The following GPR25 variants were observed in gnomAD, a reference collection of about 807,000 sequenced individuals.
The protein encoded by GPR25 is C-X-C chemokine receptor GPR25.
For synonymous variants in GPR25, 280 were observed against 264.9 expected, an observed-to-expected ratio of 1.06 and a Z score of -0.55; for missense variants, 501 against 503.0, an observed-to-expected ratio of 1.00 and a Z score of 0.04.
Position 200,873,194 on chromosome 1 carries a change from G to A in GPR25, c.157G>A (p.Gly53Ser). 6.2e-7 allele frequency: 1 copy of A among 1,606,134 alleles called. No individual in the cohort carries two copies. Among genetic ancestry groups the A allele is most frequent in the Non-Finnish European group, 8.5e-7 (1 of 1,178,942 alleles). The change falls in exon 1 of 1, where the codon GGC (glycine) becomes AGC (serine). Residue 53 changes from glycine to serine, a missense_variant. Gly to Ser is a moderately conservative substitution (Grantham distance 56, BLOSUM62 0). Transcript: ENST00000304244. ...GCTCTACCTGGCGGCCTTCGCCGTG[G>A]GCCTGCTGGGCAACGCCTTTGTGGT... is the stretch of plus-strand genomic sequence containing the variant. ...PALYLAAFAV[G>S]LLGNAFVVWL...
Position 200,873,413 on chromosome 1 carries a change from G to T in GPR25, c.376G>T (p.Gly126Cys). Residue 126 changes from glycine to cysteine, a missense_variant, in exon 1 of 1, where the codon GGC becomes TGC. Gly to Cys is a radical substitution (Grantham distance 159). Coordinates refer to ENST00000304244, the MANE Select transcript of GPR25 (RefSeq NM_005298.4). ...SFALAGTRCA[G>C]ALLLAGMSVD... Reference sequence around the variant, plus strand: ...CGCGCTGGCGGGCACGCGCTGCGCGGGCGCGCTGCTGCTGGCGGGCATGAG... The same window carrying T: ...CGCGCTGGCGGGCACGCGCTGCGCGTGCGCGCTGCTGCTGGCGGGCATGAG... 3 of 1,504,014 alleles carry T rather than the reference G, an allele frequency of 2.0e-6. No individual in the cohort carries two copies. The highest frequency in any genetic ancestry group is 2.7e-5 in the East Asian group (1 of 36,728). The allele number at this position is 1,504,014 out of a possible 1,614,324, so 93.2% of individuals were successfully genotyped here. A position where few individuals can be genotyped will look rare whatever the true frequency, so the allele number is the denominator to read the frequency against.
Position 200,873,375 on chromosome 1 carries a change from A to G in GPR25, c.338A>G (p.Lys113Arg). The G allele has an allele frequency of 6.7e-7, 1 of 1,491,426 alleles. No individual in the cohort carries two copies. The highest frequency in any genetic ancestry group is 8.8e-7 in the Non-Finnish European group (1 of 1,130,680). The allele number at this position is 1,491,426 out of a possible 1,614,324, so 92.4% of individuals were successfully genotyped here. ...TGGCCGTTCGGCGATGGCCTCTGCA[A>G]GCTCAGCAGCTTCGCGCTGGCGGGC... ...GRWPFGDGLC[K>R]LSSFALAGTR... The change falls in exon 1 of 1, where the codon AAG becomes AGG. Residue 113 changes from lysine to arginine, a missense_variant. Physicochemically the swap from Lys to Arg is conservative, Grantham distance 26. Coordinates refer to ENST00000304244, the MANE Select transcript of GPR25 (RefSeq NM_005298.4).
In GPR25 at chr1:200,873,792, C is replaced by T. The variant is rs747890063; in HGVS notation, c.755C>T (p.Thr252Met). Residue 252 changes from threonine (T) to methionine (M), a missense_variant, in exon 1 of 1, where the codon ACG becomes ATG. Physicochemically the swap from Thr to Met is moderately conservative, Grantham distance 81 (BLOSUM62 -1). Transcript: ENST00000304244. ...CGCATCATCTTCGCCATCGAGAGCA[C>T]GTTTGTGGGCTCCTGGCTGCCCTTC... ...SLRIIFAIESTFVGSWLPFSA... is the reference protein window; with the variant it reads ...SLRIIFAIESMFVGSWLPFSA... 3 of 1,599,748 alleles carry T rather than the reference C, an allele frequency of 1.9e-6. No homozygotes were observed. Among genetic ancestry groups the T allele is most frequent in the African/African-American group, 2.7e-5 (2 of 74,910 alleles).
In GPR25 at chr1:200,874,051, G is replaced by T. The variant is rs753350998; in HGVS notation, c.1014G>T (p.Ser338=). The change falls in exon 1 of 1, where the codon TCG becomes TCT. Residue 338 remains serine (S), a synonymous_variant. Transcript: ENST00000304244. ...CGCGAAGGATCAGCTCAGCCTCCTC[G>T]CTCTCCAGGGACGACAGTTCCGTGT... ...RLARRISSAS[S]LSRDDSSVFR... 6 of 1,609,626 alleles carry T rather than the reference G, an allele frequency of 3.7e-6. No individual in the cohort carries two copies. In the South Asian group the frequency reaches 4.4e-5, roughly 12 times the overall value.
rs370512634 is a variant in GPR25 at position 200,874,063 on chromosome 1, C to T, written c.1026C>T (p.Asp342=). ...RISSASSLSR[D]DSSVFRCRAQ... ...GCTCAGCCTCCTCGCTCTCCAGGGA[C>T]GACAGTTCCGTGTTCCGTTGCCGGG... The change falls in exon 1 of 1, where the codon GAC becomes GAT. Residue 342 remains aspartate, a synonymous_variant. Transcript: ENST00000304244. 1.9e-6 allele frequency: 3 copies of T among 1,605,016 alleles called. No individual in the cohort carries two copies. Among genetic ancestry groups the T allele is most frequent in the African/African-American group, 1.3e-5 (1 of 74,818 alleles).
Position 200,874,140 on chromosome 1 carries a change from G to T in GPR25, c.*17G>T. On this transcript the variant is annotated 3_prime_UTR_variant, in exon 1 of 1. Transcript: ENST00000304244. ...TCCTGGTAGCTGCCCCGGGCCGCTG[G>T]AGGTGGGCGGCAGCGGAGCATCGAG... The T allele has an allele frequency of 6.6e-7, 1 of 1,506,582 alleles. No individual in the cohort carries two copies. Among genetic ancestry groups the T allele is most frequent in the Non-Finnish European group, 8.9e-7 (1 of 1,121,828 alleles). 93.3% of individuals were successfully genotyped at this position (1,506,582 alleles called of 1,614,324 possible).
In GPR25 at chr1:200,873,719, C is replaced by G; in HGVS notation, c.682C>G (p.Arg228Gly). The G allele has an allele frequency of 6.3e-7, 1 of 1,597,814 alleles. No homozygotes were observed. The highest frequency in any genetic ancestry group is 8.5e-7 in the Non-Finnish European group (1 of 1,178,764). ...CTTCTGCTACTGCCGCATCTCGCGCCGCCTGCGACGGCCGCCGCACGTGGG... is the reference window on the plus strand; with the variant it reads ...CTTCTGCTACTGCCGCATCTCGCGCGGCCTGCGACGGCCGCCGCACGTGGG... ...TLFCYCRISR[R>G]LRRPPHVGRA... Residue 228 changes from arginine to glycine, a missense_variant, in exon 1 of 1, where the codon CGC (arginine) becomes GGC (glycine). Physicochemically the swap from Arg to Gly is moderately radical, Grantham distance 125. Transcript: ENST00000304244.
Position 200,873,031 on chromosome 1 carries a change from C to T in GPR25, c.-7C>T. The T allele has an allele frequency of 6.5e-7, 1 of 1,528,838 alleles. No individual in the cohort carries two copies. 94.7% of individuals were successfully genotyped at this position (1,528,838 alleles called of 1,614,324 possible). A position where few individuals can be genotyped will look rare whatever the true frequency, so the allele number is the denominator to read the frequency against. On this transcript the variant is annotated 5_prime_UTR_variant, in exon 1 of 1. Transcript: ENST00000304244. ...GCTGCACTCCGCGCAGGCCTCATAG[C>T]CAGGCCATGGCCCCCACAGAGCCCT...
chr1:200,873,399 G>A lies in GPR25; in HGVS notation c.362G>A (p.Gly121Asp). 1 of 1,494,052 alleles carries A rather than the reference G, an allele frequency of 6.7e-7. No homozygotes were observed. 92.5% of individuals were successfully genotyped at this position (1,494,052 alleles called of 1,614,324 possible). A position where few individuals can be genotyped will look rare whatever the true frequency, so the allele number is the denominator to read the frequency against. Residue 121 changes from glycine (G) to aspartate (D), a missense_variant, in exon 1 of 1, where the codon GGC (glycine) becomes GAC (aspartate). Physicochemically the swap from Gly to Asp is moderately conservative, Grantham distance 94. Coordinates refer to ENST00000304244, the MANE Select transcript of GPR25 (RefSeq NM_005298.4). ...LCKLSSFALA[G>D]TRCAGALLLA... ...AAGCTCAGCAGCTTCGCGCTGGCGG[G>A]CACGCGCTGCGCGGGCGCGCTGCTG...
Position 200,874,177 on chromosome 1 carries a change from G to A in GPR25, c.*54G>A. ...AGCGGAGCATCGAGAGGAGGCCAGA[G>A]GTCCCGGAGGGGACTGAGCTCCCCA... On this transcript the variant is annotated 3_prime_UTR_variant, in exon 1 of 1. Transcript: ENST00000304244. The A allele has an allele frequency of 2.1e-6, 3 of 1,454,264 alleles. No homozygotes were observed. Among genetic ancestry groups the A allele is most frequent in the Middle Eastern group, 2.1e-4 (1 of 4,698 alleles). 90.1% of individuals were successfully genotyped at this position (1,454,264 alleles called of 1,614,324 possible).
rs1162768089 is a variant in GPR25, at chr1:200,873,363, A to G, written c.326A>G (p.Asp109Gly). 1 of 1,491,308 alleles carries G rather than the reference A, an allele frequency of 6.7e-7. No homozygotes were observed. The highest frequency in any genetic ancestry group is 1.5e-5 in the African/African-American group (1 of 68,152). The allele number at this position is 1,491,308 out of a possible 1,614,324, so 92.4% of individuals were successfully genotyped here. A position where few individuals can be genotyped will look rare whatever the true frequency, so the allele number is the denominator to read the frequency against. ...CTAGGCGGCCGCTGGCCGTTCGGCG[A>G]TGGCCTCTGCAAGCTCAGCAGCTTC... ...AALGGRWPFG[D>G]GLCKLSSFAL... The change falls in exon 1 of 1, where the codon GAT (aspartate) becomes GGT (glycine). Residue 109 changes from aspartate (D) to glycine (G), a missense_variant. By Grantham distance (94) the Asp-to-Gly change is moderately conservative (BLOSUM62 -1). Transcript: ENST00000304244.
In GPR25 at chr1:200,873,490, C is replaced by T; in HGVS notation, c.453C>T (p.Arg151=). 1 of 1,563,448 alleles carries T rather than the reference C, an allele frequency of 6.4e-7. No homozygotes were observed. Among genetic ancestry groups the T allele is most frequent in the South Asian group, 1.2e-5 (1 of 86,804 alleles). The change falls in exon 1 of 1, where the codon CGC becomes CGT. Residue 151 remains arginine (R), a synonymous_variant. Coordinates refer to ENST00000304244, the MANE Select transcript of GPR25 (RefSeq NM_005298.4). ...AGCTGCTCGAGGCGAGGCCACTGCG[C>T]ACCCCGCGCTGCGCGCTGGCCTCGT... ...VVKLLEARPL[R]TPRCALASCC...
chr1:200,874,084 C>A lies in GPR25; in HGVS notation c.1047C>A (p.Cys349Ter), dbSNP rs199987519. 114 of 1,587,878 alleles carry A rather than the reference C, an allele frequency of 7.2e-5. 1 individual carries two copies. In the African/African-American group the frequency reaches 1.3e-3, roughly 18 times the overall value. The part of the protein sequence containing the change: ...LSRDDSSVFR[C>*]RAQAANTASA... ...GGGACGACAGTTCCGTGTTCCGTTGCCGGGCCCAGGCCGCGAACACTGCCT... is the reference window on the plus strand; with the variant it reads ...GGGACGACAGTTCCGTGTTCCGTTGACGGGCCCAGGCCGCGAACACTGCCT... The change falls in exon 1 of 1, where the codon TGC (cysteine) becomes TGA (stop). Residue 349 changes from cysteine to a stop codon, truncating the protein, a stop_gained. Transcript: ENST00000304244. LOFTEE classifies it low-confidence loss of function (END_TRUNC).
Position 200,873,144 on chromosome 1 carries a change from C to T in GPR25, c.107C>T (p.Pro36Leu). The change falls in exon 1 of 1, where the codon CCC becomes CTC. Residue 36 changes from proline to leucine, a missense_variant. Pro to Leu is a moderately conservative substitution (Grantham distance 98). Coordinates refer to ENST00000304244, the MANE Select transcript of GPR25 (RefSeq NM_005298.4). ...GAGCTGTGTCCGGCCGGGGACCTGCCCTACGGCTACGTCTACATCCCCGCG... is the reference window on the plus strand; with the variant it reads ...GAGCTGTGTCCGGCCGGGGACCTGCTCTACGGCTACGTCTACATCCCCGCG... Reference protein sequence around the residue: ...ELELCPAGDLPYGYVYIPALY... With the variant: ...ELELCPAGDLLYGYVYIPALY... 2.5e-6 allele frequency: 4 copies of T among 1,605,020 alleles called. No homozygotes were observed. The highest frequency in any genetic ancestry group is 1.1e-5 in the South Asian group (1 of 90,160).
In GPR25 at chr1:200,873,532, C is replaced by G; in HGVS notation, c.495C>G (p.Ala165=). ...CALASCCGVW[A]VALLAGLPSL... is the part of the protein sequence containing the mutation. Reference sequence around the variant, plus strand: ...TGGCCTCGTGCTGCGGCGTCTGGGCCGTGGCGCTGCTGGCCGGCCTGCCCT... The same window carrying G: ...TGGCCTCGTGCTGCGGCGTCTGGGCGGTGGCGCTGCTGGCCGGCCTGCCCT... The change falls in exon 1 of 1, where the codon GCC becomes GCG. Residue 165 remains alanine, a synonymous_variant. Coordinates refer to ENST00000304244, the MANE Select transcript of GPR25 (RefSeq NM_005298.4). 6.4e-7 allele frequency: 1 copy of G among 1,561,050 alleles called. No homozygotes were observed. Among genetic ancestry groups the G allele is most frequent in the Non-Finnish European group, 8.6e-7 (1 of 1,161,692 alleles).
Position 200,874,038 on chromosome 1 carries a change from G to C in GPR25, c.1001G>C (p.Ser334Thr), listed in dbSNP as rs755873380. The change falls in exon 1 of 1, where the codon AGC becomes ACC. Residue 334 changes from serine (S) to threonine (T), a missense_variant. Physicochemically the swap from Ser to Thr is moderately conservative, Grantham distance 58 (BLOSUM62 1). Transcript: ENST00000304244. ...ACCGGCCGCCTGGCGCGAAGGATCA[G>C]CTCAGCCTCCTCGCTCTCCAGGGAC... The part of the protein sequence containing the change: ...GRTGRLARRI[S>T]SASSLSRDDS... 6.2e-7 allele frequency: 1 copy of C among 1,610,980 alleles called. No individual in the cohort carries two copies.
Position 200,873,596 on chromosome 1 carries a change from C to G in GPR25, c.559C>G (p.Gln187Glu). 1 of 1,591,602 alleles carries G rather than the reference C, an allele frequency of 6.3e-7. No individual in the cohort carries two copies. Among genetic ancestry groups the G allele is most frequent in the East Asian group, 2.2e-5 (1 of 44,534 alleles). The change falls in exon 1 of 1, where the codon CAG (glutamine) becomes GAG (glutamate). Residue 187 changes from glutamine (Q) to glutamate (E), a missense_variant. Coordinates refer to ENST00000304244, the MANE Select transcript of GPR25 (RefSeq NM_005298.4). Reference sequence around the variant, plus strand: ...GGGGTTGCAGCCCCTGCCTGGGGGCCAGGACAGCCAGTGCGGCGAGGAGCC... The same window carrying G: ...GGGGTTGCAGCCCCTGCCTGGGGGCGAGGACAGCCAGTGCGGCGAGGAGCC... ...YRGLQPLPGG[Q>E]DSQCGEEPSH... is the part of the protein sequence containing the mutation.
chr1:200,873,094 G>A lies in GPR25; in HGVS notation c.57G>A (p.Ser19=), dbSNP rs1360445820. The part of the protein sequence containing the change: ...PSPGSAPWDY[S]GLDGLEELEL... ...CGGGGTCAGCGCCCTGGGACTACTC[G>A]GGGTTGGACGGCCTGGAGGAGCTGG... Residue 19 remains serine, a synonymous_variant, in exon 1 of 1, where the codon TCG becomes TCA. Transcript: ENST00000304244. 2 of 1,588,812 alleles carry A rather than the reference G, an allele frequency of 1.3e-6. No individual in the cohort carries two copies. Among genetic ancestry groups the A allele is most frequent in the Non-Finnish European group, 1.7e-6 (2 of 1,171,640 alleles).
chr1:200,873,137 G>T lies in GPR25; in HGVS notation c.100G>T (p.Asp34Tyr). ...LEELELCPAG[D>Y]LPYGYVYIPA... ...GGAGCTGGAGCTGTGTCCGGCCGGG[G>T]ACCTGCCCTACGGCTACGTCTACAT... Residue 34 changes from aspartate to tyrosine, a missense_variant, in exon 1 of 1, where the codon GAC becomes TAC. Physicochemically the swap from Asp to Tyr is radical, Grantham distance 160 (BLOSUM62 -3). Transcript: ENST00000304244. 1 of 1,604,260 alleles carries T rather than the reference G, an allele frequency of 6.2e-7. No individual in the cohort carries two copies. Among genetic ancestry groups the T allele is most frequent in the Non-Finnish European group, 8.5e-7 (1 of 1,178,570 alleles).
Sources: gnomAD v4.1 joint callset for allele counts on GRCh38, gnomAD v4.1.1 for gene constraint, MANE v1.5 for transcripts, NCBI Gene and HGNC (gene_info 2026-07-23, HGNC 2026-07-21) for gene names.